FHIT: variants seen among roughly 807,000 people sequenced by gnomAD.
FHIT encodes fragile histidine triad diadenosine triphosphatase, also known as bis(5'-adenosyl)-triphosphatase.
In FHIT, 19 loss-of-function variants were observed where a neutral mutation model predicts 17.9. That is an observed-to-expected ratio of 1.06 (90% confidence interval 0.74 to 1.56). The LOEUF is 1.56. Among genes scored for constraint, FHIT ranks in the 40% most tolerant of loss-of-function variants. FHIT has a pLI of 0.00. For missense variants in FHIT, 248 were observed against 189.2 expected (o/e 1.31, Z -1.82); for synonymous variants, 81 against 69.7 (o/e 1.16, Z -0.81).
Position 60,028,223 on chromosome 3 carries a change from T to C in FHIT, c.104-14071A>G, listed in dbSNP as rs1158751714. On this transcript the variant is annotated intron_variant, in intron 5 of 9. Transcript: ENST00000492590. Reference sequence around the variant, plus strand: ...TGTGTAATTCTCTTCTATTTAACTTTTGGCAACTATAGGCAGTCCTTCTCA... The same window carrying C: ...TGTGTAATTCTCTTCTATTTAACTTCTGGCAACTATAGGCAGTCCTTCTCA... Among the ~76,000 whole-genome samples, 6 of 152,198 alleles carry C rather than the reference T, an allele frequency of 3.9e-5. No individual in the cohort carries two copies. In the East Asian group the frequency reaches 9.6e-4, roughly 24 times the overall value.
chr3:60,117,652 T>C (rs1705033290), intron 5 of FHIT, among the ~76,000 whole-genome samples: 1 of 151,988 alleles, frequency 6.6e-6, no homozygotes, highest in Non-Finnish European at 1.5e-5. Context: ...ACAAAGCAAA[T>C]GATGAAGAAC....
intron 5 of FHIT, among the ~76,000 whole-genome samples, chr3:60,058,578 AC>A (rs1225920928): frequency 6.6e-6 from 1 of 152,182 alleles, no homozygotes; most frequent in Admixed American, 6.5e-5. Flanking sequence ...GTTTGCCATC[AC>A]ACAAAAATGT....
chr3:60,360,613 G>C (rs1210066549), intron 5 of FHIT, among the ~76,000 whole-genome samples: 3 of 152,126 alleles, frequency 2.0e-5, no homozygotes, highest in African/African-American at 7.2e-5. Context: ...TATGAAATAG[G>C]TAACTAATAA....
intron 5 of FHIT, among the ~76,000 whole-genome samples, chr3:60,287,680 T>G: frequency 6.6e-6 from 1 of 152,090 alleles, no homozygotes; most frequent in East Asian, 1.9e-4. Context: ...CATCATCAAG[T>G]ATTATGTGCA....
intron 1 of FHIT, among the ~76,000 whole-genome samples, chr3:61,201,974 G>T (rs1019447305): frequency 6.6e-6 from 1 of 150,934 alleles, no homozygotes; most frequent in Non-Finnish European, 1.5e-5. Context: ...GTGTGTGTAT[G>T]TATATACATA....
chr3:59,860,179 G>A (rs1358966205), intron 8 of FHIT, among the ~76,000 whole-genome samples: 2 of 152,162 alleles, frequency 1.3e-5, no homozygotes, highest in East Asian at 3.8e-4. Context: ...AATAGCATAA[G>A]TTTAATGGGA....
At chr3:60,431,965 T>TA (rs1702923948) in intron 5 of FHIT, among the ~76,000 whole-genome samples, 1 of 151,936 alleles carries the variant, frequency 6.6e-6, no homozygotes, top group South Asian at 2.1e-4. Context: ...AGTAGGGCTT[T>TA]TATTTTTGTT....
chr3:59,791,724 A>G (rs1010424361), intron 8 of FHIT, among the ~76,000 whole-genome samples: 1 of 152,186 alleles, frequency 6.6e-6, no homozygotes, highest in East Asian at 1.9e-4. Flanking sequence ...AATTAAAAAA[A>G]CGGTGCAATT....
chr3:60,919,397 C>T (rs1707163942), intron 3 of FHIT, among the ~76,000 whole-genome samples: 1 of 134,564 alleles, frequency 7.4e-6, no homozygotes, highest in African/African-American at 3.2e-5. Flanking sequence ...ATCACAACCA[C>T]AGTTTTTTTT....
intron 5 of FHIT, among the ~76,000 whole-genome samples, chr3:60,372,671 A>G (rs897540804): frequency 2.6e-5 from 4 of 152,216 alleles, no homozygotes; most frequent in African/African-American, 9.7e-5. Context: ...CATCTACTTC[A>G]GTATGCATTA....
intron 5 of FHIT, among the ~76,000 whole-genome samples, chr3:60,364,397 T>C (rs185170143): frequency 1.7e-4 from 26 of 152,370 alleles, no homozygotes; most frequent in African/African-American, 6.3e-4. Context: ...TTTTCTATCA[T>C]ACTCTGTAAG....
intron 4 of FHIT, among the ~76,000 whole-genome samples, chr3:60,581,501 T>C (rs2037748758): frequency 6.6e-6 from 1 of 152,098 alleles, no homozygotes; most frequent in South Asian, 2.1e-4. Context: ...ATTTTTGTTT[T>C]ACAGATAACA....
At chr3:59,751,839 TGA>T (rs1575598608) in intron 9 of FHIT, 1 of 240,812 alleles carries the variant, frequency 4.2e-6, no homozygotes, top group East Asian at 6.0e-5. Flanking sequence ...CAGACAGACT[TGA>T]GCCTAAGGGC....
At chr3:60,926,542 G>A (rs1409040623) in intron 3 of FHIT, among the ~76,000 whole-genome samples, 10 of 152,184 alleles carry the variant, frequency 6.6e-5, no homozygotes, top group Non-Finnish European at 1.3e-4. Flanking sequence ...GAATCTGTGG[G>A]ACACATTCAA....
At chr3:59,819,405 G>C (rs964667103) in intron 8 of FHIT, among the ~76,000 whole-genome samples, 14 of 152,010 alleles carry the variant, frequency 9.2e-5, no homozygotes, top group Non-Finnish European at 1.3e-4. Flanking sequence ...ATGTTTGTCT[G>C]TACTTCATAT....
intron 3 of FHIT, among the ~76,000 whole-genome samples, chr3:60,915,690 T>C (rs1706960432): frequency 3.3e-5 from 5 of 152,144 alleles, no homozygotes. Context: ...ATAAAAGGTG[T>C]TCTAAAAGAA....
chr3:60,823,000 A>T (rs1701979810), intron 3 of FHIT, among the ~76,000 whole-genome samples: 1 of 152,176 alleles, frequency 6.6e-6, no homozygotes, highest in Non-Finnish European at 1.5e-5. Context: ...TCCTTTTTTA[A>T]TCTAATAATC....
chr3:61,149,873 AATGT>A, intron 2 of FHIT, among the ~76,000 whole-genome samples: 1 of 152,246 alleles, frequency 6.6e-6, no homozygotes. Context: ...ATCTCAAAAA[AATGT>A]ATATATAAAA....
At chr3:61,243,369 A>G (rs2040416285) in intron 1 of FHIT, among the ~76,000 whole-genome samples, 1 of 152,170 alleles carries the variant, frequency 6.6e-6, no homozygotes, top group Non-Finnish European at 1.5e-5. Context: ...AGAACCTAAG[A>G]AAGTAGAGAA....
Sources: gnomAD v4.1 joint callset for allele counts (sites outside exome capture counted in the v4.1 genomes callset) on GRCh38, gnomAD v4.1.1 for gene constraint, MANE v1.5 for transcripts, NCBI Gene and HGNC (gene_info 2026-07-23, HGNC 2026-07-21) for gene names.